The following ZNF248 variants were observed in gnomAD, a reference collection of about 807,000 sequenced individuals.
ZNF248 encodes KRAB protein domain.
A neutral mutation model predicts 44.3 loss-of-function variants in ZNF248; 20 were observed. That is an observed-to-expected ratio of 0.45 (90% CI 0.32 to 0.66). The LOEUF is 0.66. Among genes scored for constraint, ZNF248 ranks in the 30% least tolerant of loss-of-function variants. ZNF248 has a pLI of 0.04. For synonymous variants in ZNF248, 224 were observed against 229.0 expected, an observed-to-expected ratio of 0.98 and a Z score of 0.20; for missense variants, 654 against 677.0, an observed-to-expected ratio of 0.97 and a Z score of 0.38.
At chr10:37,793,663 T>C (rs1243130621) in intron 6 of ZNF248, among the ~76,000 whole-genome samples, 2 of 152,204 alleles carry the variant, frequency 1.3e-5, no homozygotes, top group East Asian at 3.9e-4. Flanking sequence ...AAATCCAATA[T>C]GTGCATAATT....
At chr10:37,845,380 TA>T (rs34800175) in intron 3 of ZNF248, among the ~76,000 whole-genome samples, 2,762 of 135,526 alleles carry the variant, frequency 0.02, 81 homozygotes, top group African/African-American at 0.065. Flanking sequence ...AGAATGGATT[TA>T]AAAAAAAAAA....
At chr10:37,854,406 A>G (rs1713970157) in intron 3 of ZNF248, among the ~76,000 whole-genome samples, 1 of 152,238 alleles carries the variant, frequency 6.6e-6, no homozygotes, top group Admixed American at 6.5e-5. Context: ...AAAGAAAAAT[A>G]GGCAAAAGAT....
chr10:37,823,333 CAAAAAAAAAAAAAAA>C (rs60957023), intron 6 of ZNF248, among the ~76,000 whole-genome samples: 2 of 17,530 alleles, frequency 1.1e-4, no homozygotes, highest in Admixed American at 1.0e-3. Flanking sequence ...ACTCCGTCTC[CAAAAAAAAAAAAAAA>C]AAAAAAAAAA....
At chr10:37,789,423 T>C (rs1589094155) in intron 6 of ZNF248, among the ~76,000 whole-genome samples, 1 of 152,156 alleles carries the variant, frequency 6.6e-6, no homozygotes, top group Middle Eastern at 3.2e-3. Context: ...GCTCAAAAGG[T>C]GTCTGCTGAA....
intron 6 of ZNF248, among the ~76,000 whole-genome samples, chr10:37,801,868 A>AT (rs2049880357): frequency 6.6e-6 from 1 of 152,190 alleles, no homozygotes; most frequent in Admixed American, 6.5e-5. Flanking sequence ...GATACTCTGA[A>AT]TCTTATCTCT....
intron 6 of ZNF248, among the ~76,000 whole-genome samples, chr10:37,813,025 G>GAAGAAAAAAAAAAAAAAAA (rs2051798975): frequency 9.2e-6 from 1 of 108,636 alleles, no homozygotes; most frequent in Non-Finnish European, 1.9e-5. Context: ...ATGGCAAAAA[G>GAAGAAAAAAAAAAAAAAAA]AAAAAAAAAA....
intron 6 of ZNF248, chr10:37,794,834 C>T (rs1461216226): frequency 1.3e-5 from 2 of 156,614 alleles, no homozygotes; most frequent in African/African-American, 4.8e-5. Flanking sequence ...GAGGGCTTCT[C>T]CCCTATGTGT....
In ZNF248 at chr10:37,831,801, T is replaced by C. The variant is rs755992637; in HGVS notation, c.1554A>G (p.Lys518=). 8.7e-6 allele frequency: 14 copies of C among 1,613,286 alleles called. No homozygotes were observed. Among genetic ancestry groups the C allele is most frequent in the Non-Finnish European group, 1.1e-5 (13 of 1,179,340 alleles). The part of the protein sequence containing the change: ...IVHQRTHTGE[K]PYKCNECGKT... ...TCCCACATTCATTACACTTATATGGTTTCTCCCCAGTGTGAGTTCTTTGAT... is the reference window on the plus strand; with the variant it reads ...TCCCACATTCATTACACTTATATGGCTTCTCCCCAGTGTGAGTTCTTTGAT... The change falls in exon 6 of 6, where the codon AAA becomes AAG. Residue 518 remains lysine, a synonymous_variant. Transcript: ENST00000395867.
At chr10:37,819,826 T>C (rs940743722) in intron 6 of ZNF248, 11 of 787,322 alleles carry the variant, frequency 1.4e-5, no homozygotes, top group East Asian at 7.3e-5. Context: ...GTTTCCGCTT[T>C]GCTAACATTT....
intron 6 of ZNF248, chr10:37,819,780 C>A (rs1156359397): frequency 2.6e-6 from 2 of 781,834 alleles, no homozygotes; most frequent in East Asian, 4.9e-5. Context: ...TGTTTCTGCT[C>A]ACTGGTTGCA....
intron 6 of ZNF248, chr10:37,820,138 T>A (rs1342412685): frequency 2.8e-6 from 3 of 1,065,006 alleles, no homozygotes; most frequent in African/African-American, 1.5e-5. Context: ...TCTTAATAAA[T>A]CATCTATTCT....
chr10:37,790,779 G>C (rs1314752156), intron 6 of ZNF248, among the ~76,000 whole-genome samples: 5 of 149,328 alleles, frequency 3.3e-5, no homozygotes, highest in African/African-American at 9.7e-5. Flanking sequence ...AGTTAGCCAA[G>C]TGTGAGTGTG....
chr10:37,822,864 G>T (rs963243313), intron 6 of ZNF248, among the ~76,000 whole-genome samples: 3 of 152,152 alleles, frequency 2.0e-5, no homozygotes, highest in Non-Finnish European at 2.9e-5. Flanking sequence ...ATGGGCCACA[G>T]GTTAGACAAG....
intron 6 of ZNF248, among the ~76,000 whole-genome samples, chr10:37,822,054 G>A (rs551488866): frequency 5.9e-5 from 9 of 152,246 alleles, no homozygotes; most frequent in Admixed American, 1.3e-4. Context: ...TTCCCCTCCC[G>A]GTGTCGTCAG....
chr10:37,767,334 A>C, the ZNF248 span, among the ~76,000 whole-genome samples: 24 of 152,176 alleles, frequency 1.6e-4, no homozygotes, highest in Non-Finnish European at 2.9e-4. Flanking sequence ...AGATTCACCA[A>C]AGTTGAAATG....
chr10:37,841,519 T>C (rs1393797080), intron 3 of ZNF248, among the ~76,000 whole-genome samples: 1 of 150,280 alleles, frequency 6.7e-6, no homozygotes, highest in Non-Finnish European at 1.5e-5. Flanking sequence ...TTCATACTAA[T>C]ATAAATAAAT....
intron 6 of ZNF248, among the ~76,000 whole-genome samples, chr10:37,780,321 T>C (rs1035739932): frequency 2.0e-5 from 3 of 152,054 alleles, no homozygotes; most frequent in African/African-American, 7.3e-5. Flanking sequence ...AACAGAGATA[T>C]AAATCAATGG....
At chr10:37,838,595 C>T (rs1194365452) in intron 3 of ZNF248, among the ~76,000 whole-genome samples, 2 of 152,156 alleles carry the variant, frequency 1.3e-5, no homozygotes, top group African/African-American at 4.8e-5. Context: ...CCGCAGTCTA[C>T]ATGCCCATCA....
In ZNF248 at chr10:37,849,676, G is replaced by A. The variant is rs889136209; in HGVS notation, c.15+6620C>T. Among the ~76,000 whole-genome samples, 9 of 151,106 alleles carry A rather than the reference G, an allele frequency of 6.0e-5. No homozygotes were observed. The East Asian group carries it at 1.4e-3, about 23-fold the overall frequency. ...CACTCTAGCCTCGGCAACAGAATGA[G>A]ACTGTCTCAAAAAAAAAAAATTTTT... On this transcript the variant is annotated intron_variant, in intron 3 of 5. Transcript: ENST00000395867.
Sources: gnomAD v4.1 joint callset for allele counts (sites outside exome capture counted in the v4.1 genomes callset) on GRCh38, gnomAD v4.1.1 for gene constraint, MANE v1.5 for transcripts, NCBI Gene and HGNC (gene_info 2026-07-23, HGNC 2026-07-21) for gene names.